Variants in EXOSC4 observed in about 807,000 individuals in gnomAD.
EXOSC4 encodes the protein exosome component 4.
EXOSC4 carries 14 observed loss-of-function variants against 20.0 expected under a neutral mutation model. That is an observed-to-expected ratio of 0.70 (90% CI 0.46 to 1.09). EXOSC4 has a LOEUF of 1.09. EXOSC4 is among the 50% of genes least tolerant of loss of function. The pLI is 0.00. For synonymous variants in EXOSC4, 148 were observed against 146.4 expected (o/e 1.01, Z -0.08); for missense variants, 337 against 334.0 (o/e 1.01, Z -0.07).
upstream of EXOSC4, among the ~76,000 whole-genome samples, chr8:144,075,853 G>C (rs1554762666): frequency 6.6e-6 from 1 of 152,152 alleles, no homozygotes; most frequent in Non-Finnish European, 1.5e-5. Flanking sequence ...TTATGTGTTG[G>C]GACTTCTTTT....
the EXOSC4 span, among the ~76,000 whole-genome samples, chr8:144,073,161 G>A: frequency 1.9e-4 from 29 of 151,656 alleles, no homozygotes; most frequent in African/African-American, 6.1e-4. Flanking sequence ...CAAGGTGGGC[G>A]GATCACCTGA....
chr8:144,070,348 A>AC, the EXOSC4 span, among the ~76,000 whole-genome samples: 17 of 151,594 alleles, frequency 1.1e-4, no homozygotes, highest in Admixed American at 2.0e-4. Context: ...ACATGGAGAA[A>AC]CCCCGTCTCT....
rs1835887272 is a variant in EXOSC4, at chr8:144,080,341, T to TGCTCAGCTGGCTTCGTGGACG, written c.481_501dup (p.Ser161_Gly167dup). 2.5e-6 allele frequency: 4 copies of TGCTCAGCTGGCTTCGTGGACG among 1,613,476 alleles called. No individual in the cohort carries two copies. The highest frequency in any genetic ancestry group is 3.4e-6 in the Non-Finnish European group (4 of 1,180,008). On this transcript the variant is annotated inframe_insertion, in exon 3 of 3. Coordinates refer to ENST00000316052, the MANE Select transcript of EXOSC4 (RefSeq NM_019037.3). This position sits in a 1 kb window ranked among gnomAD's most constrained non-coding sequence, Gnocchi z 4.9. Reference sequence around the variant, plus strand: ...ACCCATGAGAGACTTTGTGTGTGCGTGCTCAGCTGGCTTCGTGGACGGCAC... The same window carrying TGCTCAGCTGGCTTCGTGGACG: ...ACCCATGAGAGACTTTGTGTGTGCGTGCTCAGCTGGCTTCGTGGACGGCTCAGCTGGCTTCGTGGACGGCAC...
chr8:144,079,979 G>A lies in EXOSC4; in HGVS notation c.208G>A (p.Ala70Thr). The A allele has an allele frequency of 6.2e-7, 1 of 1,614,054 alleles. No individual in the cohort carries two copies. The highest frequency in any genetic ancestry group is 2.2e-5 in the East Asian group (1 of 44,884). ...CCGGGCTCGAGCCCTGCCGGACAGG[G>A]CCCTAGTGAACTGTCAATATAGTTC... ...GSRARALPDR[A>T]LVNCQYSSAT... Residue 70 changes from alanine to threonine, a missense_variant, in exon 2 of 3, where the codon GCC becomes ACC. Coordinates refer to ENST00000316052, the MANE Select transcript of EXOSC4 (RefSeq NM_019037.3).
the EXOSC4 span, among the ~76,000 whole-genome samples, chr8:144,071,241 T>C: frequency 4.7e-4 from 4 of 8,516 alleles, no homozygotes; most frequent in African/African-American, 1.5e-3. Context: ...CCCCTCCCCC[T>C]TCCCCTCCCC....
upstream of EXOSC4, among the ~76,000 whole-genome samples, chr8:144,076,770 C>T (rs79840766): frequency 0.054 from 8,196 of 152,252 alleles, 788 homozygotes; most frequent in African/African-American, 0.19. Flanking sequence ...CTAGTCTTCC[C>T]GCATGCGGCA....
chr8:144,069,449 A>G, the EXOSC4 span, among the ~76,000 whole-genome samples: 1 of 152,144 alleles, frequency 6.6e-6, no homozygotes, highest in Non-Finnish European at 1.5e-5. Context: ...GTGTGCCGGG[A>G]CTGCTTGGCT....
chr8:144,072,520 C>A, the EXOSC4 span, among the ~76,000 whole-genome samples: 2 of 152,032 alleles, frequency 1.3e-5, no homozygotes, highest in African/African-American at 4.8e-5. Context: ...GTTTACCTAC[C>A]CATTAACCAA....
chr8:144,076,386 C>T (rs1835835585), upstream of EXOSC4, among the ~76,000 whole-genome samples: 1 of 152,130 alleles, frequency 6.6e-6, no homozygotes, highest in Non-Finnish European at 1.5e-5. Context: ...TCTAGCAAAT[C>T]GGTTACTCTG....
At chr8:144,067,813 G>A in the EXOSC4 span, among the ~76,000 whole-genome samples, 1 of 152,216 alleles carries the variant, frequency 6.6e-6, no homozygotes, top group African/African-American at 2.4e-5. Flanking sequence ...TTCGAGACCA[G>A]CCTGACTAAC....
the EXOSC4 span, among the ~76,000 whole-genome samples, chr8:144,066,398 G>A: frequency 1.3e-5 from 2 of 150,276 alleles, no homozygotes; most frequent in African/African-American, 4.9e-5. Context: ...GGGATTACAG[G>A]TGTGAGCCAC....
chr8:144,064,192 C>T, the EXOSC4 span, among the ~76,000 whole-genome samples: 5 of 152,242 alleles, frequency 3.3e-5, no homozygotes, highest in Non-Finnish European at 5.9e-5. Context: ...GAATCCTCCT[C>T]CTAGAAGATG....
chr8:144,074,763 A>T (rs1835821661), upstream of EXOSC4, among the ~76,000 whole-genome samples: 1 of 152,002 alleles, frequency 6.6e-6, no homozygotes, highest in Admixed American at 6.6e-5. Flanking sequence ...TTGTAGAGAT[A>T]GTGTGTCACT....
the EXOSC4 span, among the ~76,000 whole-genome samples, chr8:144,069,738 T>C: frequency 6.6e-5 from 10 of 152,338 alleles, no homozygotes; most frequent in African/African-American, 2.4e-4. Flanking sequence ...GCGGAGCAGA[T>C]TGGAAAGCTT....
chr8:144,078,475 CCG>C, upstream of EXOSC4: 1 of 357,058 alleles, frequency 2.8e-6, no homozygotes, highest in Non-Finnish European at 5.0e-6. This position sits in a 1 kb window ranked among gnomAD's most constrained non-coding sequence, Gnocchi z 4.7. Context: ...TAGAGCCGGA[CCG>C]CCGGAAACCG....
chr8:144,077,140 G>A (rs1394684499), upstream of EXOSC4, among the ~76,000 whole-genome samples: 11 of 152,018 alleles, frequency 7.2e-5, no homozygotes, highest in African/African-American at 2.4e-4. Context: ...AGCTACTTGG[G>A]AGGCTGAGAT....
chr8:144,064,840 CTTTTTTTT>C, the EXOSC4 span, among the ~76,000 whole-genome samples: 1 of 136,698 alleles, frequency 7.3e-6, no homozygotes, highest in African/African-American at 2.7e-5. Flanking sequence ...TCCAATCTGT[CTTTTTTTT>C]TTTTTTTTTT....
the EXOSC4 span, among the ~76,000 whole-genome samples, chr8:144,072,121 G>A: frequency 1.3e-5 from 2 of 152,304 alleles, no homozygotes; most frequent in Non-Finnish European, 2.9e-5. Flanking sequence ...TGTCATTTCC[G>A]TGTGTTGGGA....
the EXOSC4 span, among the ~76,000 whole-genome samples, chr8:144,066,646 G>C: frequency 3.3e-5 from 5 of 151,582 alleles, no homozygotes; most frequent in Non-Finnish European, 7.4e-5. Flanking sequence ...GTTTCACCCT[G>C]TTGGCCAGGC....
Sources: allele counts gnomAD v4.1 joint callset (sites outside exome capture counted in the v4.1 genomes callset), GRCh38; gene constraint gnomAD v4.1.1; non-coding constraint Gnocchi (gnomAD v3.1); transcripts MANE v1.5; gene names NCBI Gene and HGNC (gene_info 2026-07-23, HGNC 2026-07-21).